Variants in LINGO2 observed in about 807,000 individuals in gnomAD.
LINGO2 encodes leucine-rich repeat and immunoglobulin-like domain-containing nogo receptor-interacting protein 2.
Under a neutral mutation model 30.6 loss-of-function variants are expected in LINGO2, and 14 were observed. That is an observed-to-expected ratio of 0.46 (90% confidence interval 0.30 to 0.72). The LOEUF (loss-of-function observed/expected upper bound fraction) is 0.72, where lower values mean the gene tolerates loss of function less well. LINGO2 is among the 30% of genes least tolerant of loss of function. The probability of loss-of-function intolerance (pLI) is 0.07; values close to 1 mark genes in which losing one functional copy is unlikely to be tolerated. For missense variants in LINGO2, 729 were observed against 751.7 expected (o/e 0.97, Z 0.35); for synonymous variants, 317 against 288.5 (o/e 1.10, Z -1.00).
intron 1 of LINGO2, among the ~76,000 whole-genome samples, chr9:28,489,327 G>A (rs552661146): frequency 5.3e-5 from 8 of 152,030 alleles, no homozygotes; most frequent in Admixed American, 2.6e-4. Context: ...GGACCACCAC[G>A]CCTGGCTAAT....
At chr9:28,984,125 T>C in the LINGO2 span, among the ~76,000 whole-genome samples, 2 of 152,116 alleles carry the variant, frequency 1.3e-5, no homozygotes, top group African/African-American at 2.4e-5. Flanking sequence ...TTCTCAGTTA[T>C]GTCTGCAGTA....
chr9:29,207,567 TAA>T, the LINGO2 span, among the ~76,000 whole-genome samples: 2 of 152,264 alleles, frequency 1.3e-5, no homozygotes, highest in South Asian at 4.1e-4. Flanking sequence ...ATGATATTTG[TAA>T]AGACAATAAT....
At chr9:28,018,482 AAG>A (rs1345756598) in intron 4 of LINGO2, among the ~76,000 whole-genome samples, 1 of 151,878 alleles carries the variant, frequency 6.6e-6, no homozygotes, top group Non-Finnish European at 1.5e-5. Flanking sequence ...TCTAGACTCT[AAG>A]AAACTTAAAA....
intron 4 of LINGO2, among the ~76,000 whole-genome samples, chr9:28,150,840 T>A (rs1006754450): frequency 2.6e-5 from 4 of 152,202 alleles, no homozygotes; most frequent in Non-Finnish European, 5.9e-5. Context: ...GCGGTCGCCA[T>A]AGTTAGTCGC....
the LINGO2 span, among the ~76,000 whole-genome samples, chr9:28,754,388 C>A: frequency 6.6e-6 from 1 of 152,018 alleles, no homozygotes; most frequent in Non-Finnish European, 1.5e-5. Context: ...AATAATTCCA[C>A]AGTTGATACA....
chr9:28,788,824 T>A, the LINGO2 span, among the ~76,000 whole-genome samples: 1 of 152,074 alleles, frequency 6.6e-6, no homozygotes, highest in Non-Finnish European at 1.5e-5. Flanking sequence ...TGACATGGGA[T>A]TGTGGGGAGT....
the LINGO2 span, among the ~76,000 whole-genome samples, chr9:28,999,383 A>T: frequency 6.6e-6 from 1 of 152,100 alleles, no homozygotes; most frequent in African/African-American, 2.4e-5. Context: ...TGGTAGTATA[A>T]CATCAGAATT....
At chr9:28,662,948 G>A (rs1447853484) in intron 1 of LINGO2, among the ~76,000 whole-genome samples, 1 of 152,066 alleles carries the variant, frequency 6.6e-6, no homozygotes, top group Non-Finnish European at 1.5e-5. Context: ...GTAAATAGAA[G>A]AATATTAACA....
the LINGO2 span, among the ~76,000 whole-genome samples, chr9:29,020,660 A>G: frequency 6.6e-5 from 10 of 152,160 alleles, no homozygotes; most frequent in African/African-American, 2.4e-4. Flanking sequence ...AGGAAGTCAG[A>G]AGAGACACTT....
At chr9:28,368,876 G>A (rs141350486) in intron 3 of LINGO2, among the ~76,000 whole-genome samples, 2 of 152,050 alleles carry the variant, frequency 1.3e-5, no homozygotes, top group East Asian at 3.9e-4. Context: ...GATTACAGGC[G>A]TGAGCCACCG....
At chr9:29,025,556 G>C in the LINGO2 span, among the ~76,000 whole-genome samples, 1 of 151,962 alleles carries the variant, frequency 6.6e-6, no homozygotes, top group Non-Finnish European at 1.5e-5. Flanking sequence ...TTTTCATTTA[G>C]AGGTAAAATT....
the LINGO2 span, among the ~76,000 whole-genome samples, chr9:29,094,089 C>T: frequency 1.4e-5 from 2 of 138,536 alleles, 1 homozygote; most frequent in East Asian, 4.9e-4. Flanking sequence ...ACTACTTGAT[C>T]CCTTAACATC....
At chr9:29,014,969 G>T in the LINGO2 span, among the ~76,000 whole-genome samples, 1 of 152,106 alleles carries the variant, frequency 6.6e-6, no homozygotes. Flanking sequence ...TGGCTCTTCT[G>T]TTACTGTCCT....
At chr9:29,033,392 A>C in the LINGO2 span, among the ~76,000 whole-genome samples, 3 of 149,966 alleles carry the variant, frequency 2.0e-5, no homozygotes, top group Admixed American at 1.3e-4. Context: ...ATATATATAT[A>C]TATATATCTC....
chr9:28,013,476 T>C (rs16912248), intron 4 of LINGO2, among the ~76,000 whole-genome samples: 5,512 of 152,246 alleles, frequency 0.036, 435 homozygotes, highest in East Asian at 0.34. Flanking sequence ...TATTCAGGAA[T>C]CAATCAATCA....
intron 1 of LINGO2, among the ~76,000 whole-genome samples, chr9:28,634,477 CTTTTTTTCTTTTTTTTTT>C (rs937142561): frequency 1.5e-5 from 2 of 135,888 alleles, no homozygotes; most frequent in Admixed American, 1.6e-4. Flanking sequence ...TCTTTCTTTT[CTTTTTTTCTTTTTTTTTT>C]TTTTTTTTGA....
chr9:28,570,417 A>G (rs1823627545), intron 1 of LINGO2, among the ~76,000 whole-genome samples: 1 of 152,002 alleles, frequency 6.6e-6, no homozygotes, highest in African/African-American at 2.4e-5. Context: ...ATTCAGGAAC[A>G]AAGATGGATT....
At chr9:28,446,214 G>A (rs1476768074) in intron 2 of LINGO2, among the ~76,000 whole-genome samples, 2 of 152,086 alleles carry the variant, frequency 1.3e-5, no homozygotes, top group Non-Finnish European at 2.9e-5. Context: ...TTATTTCATA[G>A]GTTCTCTGAA....
In LINGO2 at chr9:28,306,724, C is replaced by T. The variant is rs1175446766; in HGVS notation, c.-245-11358G>A. ...AAAAGAGAGAAGAATCAAATAGACG[C>T]AATAAAAAATGATAAAGGGGATATC... On this transcript the variant is annotated intron_variant, in intron 3 of 5. Coordinates refer to ENST00000379992, the Ensembl canonical transcript of LINGO2. Among the ~76,000 whole-genome samples, 3 of 152,032 alleles carry T rather than the reference C, an allele frequency of 2.0e-5. No homozygotes were observed. In the South Asian group the frequency reaches 6.2e-4, roughly 32 times the overall value.
Sources: allele counts gnomAD v4.1 joint callset (sites outside exome capture counted in the v4.1 genomes callset), GRCh38; gene constraint gnomAD v4.1.1; transcripts MANE v1.5; gene names NCBI Gene and HGNC (gene_info 2026-07-23, HGNC 2026-07-21).